SMG6: variants seen among roughly 807,000 people sequenced by gnomAD.
SMG6 encodes the protein SMG6 nonsense mediated mRNA decay factor.
In SMG6, 66 loss-of-function variants were observed where a neutral mutation model predicts 142.2. The ratio of observed to expected loss-of-function variants is 0.46; its 90% CI spans 0.38 to 0.57. The LOEUF (loss-of-function observed/expected upper bound fraction) is 0.57. SMG6 is among the 20% of genes least tolerant of loss of function. The probability of loss-of-function intolerance (pLI) is 0.00; values close to 1 mark genes in which losing one functional copy is unlikely to be tolerated. For synonymous variants in SMG6, 779 were observed against 702.4 expected (o/e 1.11, Z -1.72); for missense variants, 1,793 against 1,832.0 (o/e 0.98, Z 0.39).
In SMG6 at chr17:2,300,029, T is replaced by G. The variant is rs1454413797; in HGVS notation, c.724A>C (p.Lys242Gln). 1.9e-6 allele frequency: 3 copies of G among 1,614,194 alleles called. No homozygotes were observed. The East Asian group carries it at 6.7e-5, about 36-fold the overall frequency. The change falls in exon 2 of 19, where the codon AAG becomes CAG. Residue 242 changes from lysine (K) to glutamine (Q), a missense_variant. By Grantham distance (53) the Lys-to-Gln change is moderately conservative (BLOSUM62 1). Coordinates refer to ENST00000263073, the MANE Select transcript of SMG6 (RefSeq NM_017575.5). ...CGTTTGTCTGAGCGGGAGTAGCGCT[T>G]TGCGGAGCCCGGCCTCCCGCGGGCT... ...DPARGRPGSAKRYSRSDKRRN... is the reference protein window; with the variant it reads ...DPARGRPGSAQRYSRSDKRRN...
chr17:2,181,809 A>G (rs1479259413), intron 12 of SMG6, among the ~76,000 whole-genome samples: 1 of 152,276 alleles, frequency 6.6e-6, no homozygotes, highest in Non-Finnish European at 1.5e-5. Context: ...CATTTGCTGC[A>G]GCATCCAAAG....
intron 13 of SMG6, among the ~76,000 whole-genome samples, chr17:2,161,267 G>A (rs2071168991): frequency 6.6e-6 from 1 of 151,784 alleles, no homozygotes; most frequent in Admixed American, 6.6e-5. Flanking sequence ...ACCAAGCCTG[G>A]CTAATTTTGT....
At chr17:2,164,797 C>T (rs1057297660) in intron 13 of SMG6, among the ~76,000 whole-genome samples, 18 of 151,904 alleles carry the variant, frequency 1.2e-4, no homozygotes, top group African/African-American at 4.1e-4. Context: ...ATTAGCCAGG[C>T]GTGGTGACGC....
intron 13 of SMG6, among the ~76,000 whole-genome samples, chr17:2,104,858 T>C (rs1260149596): frequency 6.6e-6 from 1 of 152,106 alleles, no homozygotes; most frequent in Non-Finnish European, 1.5e-5. Flanking sequence ...TATTATAATA[T>C]GGCCTCTTAT....
intron 18 of SMG6, 36 bp from the exon 19 acceptor site, chr17:2,061,658 G>A (rs544576759): frequency 1.3e-6 from 2 of 1,555,408 alleles, no homozygotes; most frequent in East Asian, 2.4e-5. Context: ...TGTCACTGAG[G>A]ACAGGAGGCA....
At chr17:2,112,568 T>TAAATAAAA (rs2069369964) in intron 13 of SMG6, among the ~76,000 whole-genome samples, 1 of 128,428 alleles carries the variant, frequency 7.8e-6, no homozygotes, top group Non-Finnish European at 1.7e-5. Context: ...AATAAATAAA[T>TAAATAAAA]AAAAGGCAAT....
At chr17:2,091,705 C>T (rs1387273738) in intron 13 of SMG6, among the ~76,000 whole-genome samples, 1 of 147,434 alleles carries the variant, frequency 6.8e-6, no homozygotes, top group Non-Finnish European at 1.5e-5. Context: ...GAGTCTCGCT[C>T]TGTTGCCCAG....
chr17:2,236,395 G>A (rs2073653670), intron 10 of SMG6, 97 bp downstream of exon 10: 3 of 1,255,866 alleles, frequency 2.4e-6, no homozygotes, highest in Non-Finnish European at 2.2e-6. Context: ...GGGTGGGGTG[G>A]GGGGAGGTAG....
intron 4 of SMG6, 37 bp downstream of exon 4, chr17:2,297,206 G>T (rs1439759538): frequency 1.4e-6 from 2 of 1,459,328 alleles, no homozygotes; most frequent in East Asian, 2.3e-5. Context: ...CTTACGAAAT[G>T]AATGAAAATT....
At chr17:2,224,371 G>A (rs537435370) in intron 10 of SMG6, among the ~76,000 whole-genome samples, 3 of 152,140 alleles carry the variant, frequency 2.0e-5, no homozygotes, top group African/African-American at 7.2e-5. Context: ...AAGCTCACAA[G>A]TATATTTGGG....
intron 8 of SMG6, among the ~76,000 whole-genome samples, chr17:2,245,527 G>A (rs216220): frequency 6.6e-6 from 1 of 151,894 alleles, no homozygotes; most frequent in South Asian, 2.1e-4. Flanking sequence ...TGGGATTACA[G>A]GCATGCACCC....
intron 10 of SMG6, among the ~76,000 whole-genome samples, chr17:2,217,913 G>A (rs982916134): frequency 6.6e-6 from 1 of 151,926 alleles, no homozygotes; most frequent in Non-Finnish European, 1.5e-5. Context: ...GGGAGGGCGA[G>A]ACAGGAGAAT....
chr17:2,177,486 C>A (rs1437256211), intron 12 of SMG6, among the ~76,000 whole-genome samples: 1 of 152,184 alleles, frequency 6.6e-6, no homozygotes, highest in Non-Finnish European at 1.5e-5. Flanking sequence ...CTCACACACT[C>A]CTTCATATTT....
intron 13 of SMG6, among the ~76,000 whole-genome samples, chr17:2,166,260 C>G (rs1462566462): frequency 2.6e-5 from 4 of 151,936 alleles, no homozygotes; most frequent in Non-Finnish European, 5.9e-5. Flanking sequence ...AAGAAGGTAT[C>G]CAGTGAGAAT....
intron 13 of SMG6, among the ~76,000 whole-genome samples, chr17:2,109,678 C>A (rs575938018): frequency 6.6e-6 from 1 of 152,300 alleles, no homozygotes; most frequent in South Asian, 2.1e-4. Flanking sequence ...TATAGACACG[C>A]AAACCATTAT....
At position 2,299,156 on chromosome 17, in the gene SMG6, C is replaced by T. The variant is rs767137744; in HGVS notation, c.1597G>A (p.Gly533Ser). 1.2e-6 allele frequency: 2 copies of T among 1,612,650 alleles called. No individual in the cohort carries two copies. The highest frequency in any genetic ancestry group is 4.5e-5 in the East Asian group (2 of 44,866). Residue 533 changes from glycine (G) to serine (S), a missense_variant, in exon 2 of 19, where the codon GGC (glycine) becomes AGC (serine). Physicochemically the swap from Gly to Ser is moderately conservative, Grantham distance 56. Coordinates refer to ENST00000263073, the MANE Select transcript of SMG6 (RefSeq NM_017575.5). The surrounding 1 kb of genome is among the most constrained non-coding windows in gnomAD (Gnocchi z 4.3). ...TGYNPLQYPVGPTNGVYPGPY... is the reference protein window; with the variant it reads ...TGYNPLQYPVSPTNGVYPGPY... ...CCTGGGTACACACCATTCGTAGGGCCCACTGGGTACTGTAGAGGGTTATAG... is the reference window on the plus strand; with the variant it reads ...CCTGGGTACACACCATTCGTAGGGCTCACTGGGTACTGTAGAGGGTTATAG...
At chr17:2,072,364 T>C (rs1216198682) in intron 15 of SMG6, among the ~76,000 whole-genome samples, 5 of 152,064 alleles carry the variant, frequency 3.3e-5, no homozygotes, top group Non-Finnish European at 7.4e-5. Flanking sequence ...CTGAATCAGG[T>C]TGGTAGCAAT....
At chr17:2,279,219 G>C (rs2074728205) in intron 8 of SMG6, among the ~76,000 whole-genome samples, 1 of 152,214 alleles carries the variant, frequency 6.6e-6, no homozygotes. Context: ...ACCAGTGAGA[G>C]GTAAGAGCGG....
chr17:2,165,672 C>T (rs1428682803), intron 13 of SMG6, among the ~76,000 whole-genome samples: 12 of 152,276 alleles, frequency 7.9e-5, no homozygotes, highest in East Asian at 1.9e-4. Context: ...GAGGCCAAGG[C>T]GGGAGGATCA....
Sources: gnomAD v4.1 joint callset for allele counts (sites outside exome capture counted in the v4.1 genomes callset) on GRCh38, gnomAD v4.1.1 for gene constraint, Gnocchi (gnomAD v3.1) non-coding constraint, MANE v1.5 for transcripts, NCBI Gene and HGNC (gene_info 2026-07-23, HGNC 2026-07-21) for gene names.